LCN6: variants seen among roughly 807,000 people sequenced by gnomAD.
LCN6 encodes the protein epididymal-specific lipocalin-6.
LCN6 carries 20 observed loss-of-function variants against 21.4 expected under a neutral mutation model. The ratio of observed to expected loss-of-function variants is 0.93; its 90% confidence interval spans 0.66 to 1.36. The LOEUF (loss-of-function observed/expected upper bound fraction) is 1.36. Among genes scored for constraint, LCN6 ranks in the 40% most tolerant of loss-of-function variants. The pLI, the probability that LCN6 is intolerant of heterozygous loss-of-function variation, is 0.00. For synonymous variants in LCN6, 96 were observed against 89.0 expected, an observed-to-expected ratio of 1.08 and a Z score of -0.44; for missense variants, 217 against 206.6, an observed-to-expected ratio of 1.05 and a Z score of -0.31.
In LCN6 at chr9:136,747,461, G is replaced by A; in HGVS notation, c.193C>T (p.Pro65Ser). ...NVVGVVVTLTPENNLRTLSSQ... is the reference protein window; with the variant it reads ...NVVGVVVTLTSENNLRTLSSQ... ...GACAGCGTCCGCAGGTTGTTTTCTG[G>A]AGTGAGGGTCACCACCACCCCCACG... The change falls in exon 2 of 7, where the codon CCA (proline) becomes TCA (serine). Residue 65 changes from proline (P) to serine (S), a missense_variant. By Grantham distance (74) the Pro-to-Ser change is moderately conservative (BLOSUM62 -1). Transcript: ENST00000341206. 6.2e-7 allele frequency: 1 copy of A among 1,613,628 alleles called. No homozygotes were observed.
At chr9:136,745,116 G>T in intron 4 of LCN6, 54 bp downstream of exon 4, 2 of 166,634 alleles carry the variant, frequency 1.2e-5, no homozygotes, top group South Asian at 6.3e-5. Context: ...CGTGGGCCCC[G>T]AGTGGCCCAC....
intron 2 of LCN6, 193 bp from the exon 3 acceptor site, chr9:136,746,107 C>G (rs1847033334): frequency 1.7e-6 from 1 of 597,878 alleles, no homozygotes; most frequent in South Asian, 2.0e-5. Flanking sequence ...GGGGCGGACA[C>G]TCCCATTCAC....
rs776445939 is a variant in LCN6, at chr9:136,747,441, C to T, written c.213G>A (p.Thr71=). 1.1e-5 allele frequency: 18 copies of T among 1,613,326 alleles called. No individual in the cohort carries two copies. The highest frequency in any genetic ancestry group is 4.4e-5 in the South Asian group (4 of 91,088). Residue 71 remains threonine (T), a synonymous_variant, in exon 2 of 7, where the codon ACG becomes ACA. Transcript: ENST00000341206. ...VTLTPENNLR[T]LSSQHGLGGC... Reference sequence around the variant, plus strand: ...CCACTCACCCGTGCTGAGAGGACAGCGTCCGCAGGTTGTTTTCTGGAGTGA... The same window carrying T: ...CCACTCACCCGTGCTGAGAGGACAGTGTCCGCAGGTTGTTTTCTGGAGTGA...
intron 3 of LCN6, chr9:136,745,544 C>A (rs887259768): frequency 3.4e-6 from 2 of 587,018 alleles, no homozygotes; most frequent in African/African-American, 1.9e-5. Flanking sequence ...GAACGAGGAG[C>A]GGCTGGGTCA....
chr9:136,745,889 T>C lies in LCN6; in HGVS notation c.256A>G (p.Met86Val), dbSNP rs1157084207. Residue 86 changes from methionine to valine, a missense_variant, in exon 3 of 7, where the codon ATG becomes GTG. Coordinates refer to ENST00000341206, the MANE Select transcript of LCN6 (RefSeq NM_198946.3). ...CCGGAGTTTCGCTTTATCAGGTCCA[T>C]GACACTCTGGTCACACCCTCCCAGC... ...HGLGGCDQSV[M>V]DLIKRNSGWV... 2.5e-6 allele frequency: 4 copies of C among 1,613,714 alleles called. No homozygotes were observed. The highest frequency in any genetic ancestry group is 2.5e-6 in the Non-Finnish European group (3 of 1,179,932).
In LCN6 at chr9:136,746,082, G is replaced by A. The variant is rs545095513; in HGVS notation, c.231-168C>T. On this transcript the variant is annotated intron_variant, in intron 2 of 6. Transcript: ENST00000341206. ...AACCTGTTCTCGGAGAGTGGACGGC[G>A]TGGGAGTCCTGAGAGGGGCGGACAC... 1.9e-4 allele frequency: 117 copies of A among 627,248 alleles called. No individual in the cohort carries two copies. In the African/African-American group the frequency reaches 2.0e-3, roughly 11 times the overall value. 38.9% of individuals were successfully genotyped at this position (627,248 alleles called of 1,614,324 possible).
rs1271558612 is a variant in LCN6 at position 136,744,715 on chromosome 9, C to A, written c.439G>T (p.Ala147Ser). ...YSLTETASQE[A>S]MGLFTKWSRS... Reference sequence around the variant, plus strand: ...CTCCACTTGGTGAAGAGCCCCATGGCCTCCTGGCTGGCTGTCTCCGTCAGA... The same window carrying A: ...CTCCACTTGGTGAAGAGCCCCATGGACTCCTGGCTGGCTGTCTCCGTCAGA... Residue 147 changes from alanine to serine, a missense_variant, in exon 5 of 7, where the codon GCC becomes TCC. Coordinates refer to ENST00000341206, the MANE Select transcript of LCN6 (RefSeq NM_198946.3). The surrounding 1 kb of genome is among the most constrained non-coding windows in gnomAD (Gnocchi z 4.2). The A allele has an allele frequency of 1.2e-6, 2 of 1,610,638 alleles. No individual in the cohort carries two copies. Among genetic ancestry groups the A allele is most frequent in the East Asian group, 2.2e-5 (1 of 44,804 alleles).
chr9:136,748,415 C>A lies in LCN6; in HGVS notation c.69G>T (p.Leu23Phe), dbSNP rs1233785330. 1 of 1,612,904 alleles carries A rather than the reference C, an allele frequency of 6.2e-7. No individual in the cohort carries two copies. Among genetic ancestry groups the A allele is most frequent in the South Asian group, 1.1e-5 (1 of 90,966 alleles). ...VSVPRAQAVW[L>F]GRLDPEQLLG... ...GTACCTGCTCAGGGTCCAGTCTTCC[C>A]AACCACACGGCCTGGGCCCTGGGCA... Residue 23 changes from leucine (L) to phenylalanine (F), a missense_variant, in exon 1 of 7, where the codon TTG (leucine) becomes TTT (phenylalanine). Transcript: ENST00000341206.
intron 1 of LCN6, 148 bp from the exon 2 acceptor site, chr9:136,747,711 A>ACCCTCCCG (rs1564327612): frequency 1.1e-6 from 1 of 932,150 alleles, no homozygotes; most frequent in African/African-American, 2.7e-5. Context: ...CCAGCCTCCA[A>ACCCTCCCG]CCCTCCAGCC....
intron 2 of LCN6, among the ~76,000 whole-genome samples, chr9:136,746,222 A>G (rs1588301522): frequency 1.4e-5 from 2 of 147,072 alleles, no homozygotes; most frequent in Non-Finnish European, 1.5e-5. Flanking sequence ...GACTCGGGGG[A>G]AAGATGGGGT....
chr9:136,745,405 C>A, intron 3 of LCN6, 125 bp from the exon 4 acceptor site: 1 of 679,214 alleles, frequency 1.5e-6, no homozygotes, highest in East Asian at 2.7e-5. Flanking sequence ...CCCCAGGAGA[C>A]CCCTCCAAGC....
Position 136,747,448 on chromosome 9 carries a change from A to C in LCN6, c.206T>G (p.Leu69Arg), listed in dbSNP as rs1847054545. 3 of 1,613,530 alleles carry C rather than the reference A, an allele frequency of 1.9e-6. No homozygotes were observed. Among genetic ancestry groups the C allele is most frequent in the Non-Finnish European group, 2.5e-6 (3 of 1,179,824 alleles). The change falls in exon 2 of 7, where the codon CTG becomes CGG. Residue 69 changes from leucine (L) to arginine (R), a missense_variant. By Grantham distance (102) the Leu-to-Arg change is moderately radical (BLOSUM62 -2). Transcript: ENST00000341206. ...VVVTLTPENNLRTLSSQHGLG... is the reference protein window; with the variant it reads ...VVVTLTPENNRRTLSSQHGLG... ...CCCGTGCTGAGAGGACAGCGTCCGC[A>C]GGTTGTTTTCTGGAGTGAGGGTCAC...
chr9:136,745,977 C>T (rs528187007), intron 2 of LCN6, 63 bp from the exon 3 acceptor site: 23 of 1,474,884 alleles, frequency 1.6e-5, no homozygotes, highest in East Asian at 1.1e-4. Flanking sequence ...TGAGAGGAGA[C>T]GGAGCTCAGG....
intron 1 of LCN6, 37 bp downstream of exon 1, chr9:136,748,357 C>A: frequency 6.4e-7 from 1 of 1,569,016 alleles, no homozygotes; most frequent in East Asian, 2.3e-5. Context: ...GGCTGGCCCC[C>A]GAGGACCAGC....
chr9:136,744,701 G>A lies in LCN6; in HGVS notation c.453C>T (p.Phe151=), dbSNP rs1308454282. Residue 151 remains phenylalanine (F), a synonymous_variant, in exon 5 of 7, where the codon TTC becomes TTT. Transcript: ENST00000341206. The surrounding 1 kb of genome is among the most constrained non-coding windows in gnomAD (Gnocchi z 4.2). ...AGCCCAGGCTCCTGCTCCACTTGGT[G>A]AAGAGCCCCATGGCCTCCTGGCTGG... ...ETASQEAMGL[F]TKWSRSLGFL... 1 of 1,610,822 alleles carries A rather than the reference G, an allele frequency of 6.2e-7. No individual in the cohort carries two copies. The highest frequency in any genetic ancestry group is 8.5e-7 in the Non-Finnish European group (1 of 1,178,492).
Position 136,744,924 on chromosome 9 carries a change from G to T in LCN6, c.413-183C>A, listed in dbSNP as rs1362979507. Among the ~76,000 whole-genome samples the T allele has an allele frequency of 6.6e-6, 1 of 151,920 alleles. No individual in the cohort carries two copies. Among genetic ancestry groups the T allele is most frequent in the Non-Finnish European group, 1.5e-5 (1 of 67,974 alleles). On this transcript the variant is annotated intron_variant, in intron 4 of 6. Transcript: ENST00000341206. The surrounding 1 kb of genome is among the most constrained non-coding windows in gnomAD (Gnocchi z 4.2). ...GAACTTGGCCTGCATGTGGTCCTGT[G>T]CGGCCCACCCACCACACAGCTCCCC... is the stretch of plus-strand genomic sequence containing the variant.
intron 1 of LCN6, 105 bp downstream of exon 1, chr9:136,748,289 C>T (rs757914601): frequency 1.5e-5 from 15 of 989,782 alleles, no homozygotes; most frequent in Admixed American, 9.6e-5. Context: ...TTCCCCACTG[C>T]TCATGCTGGT....
chr9:136,745,786 G>A, intron 3 of LCN6, 58 bp downstream of exon 3: 1 of 1,479,606 alleles, frequency 6.8e-7, no homozygotes, highest in Non-Finnish European at 9.5e-7. Flanking sequence ...GCCCGCAGGG[G>A]GCCTGGGGAT....
chr9:136,745,630 G>A, intron 3 of LCN6: 1 of 607,160 alleles, frequency 1.6e-6, no homozygotes, highest in Non-Finnish European at 2.9e-6. Context: ...GACCTTGGCT[G>A]GACCTCACTG....
Sources: allele counts gnomAD v4.1 joint callset (sites outside exome capture counted in the v4.1 genomes callset), GRCh38; gene constraint gnomAD v4.1.1; non-coding constraint Gnocchi (gnomAD v3.1); transcripts MANE v1.5; gene names NCBI Gene and HGNC (gene_info 2026-07-23, HGNC 2026-07-21).